RNF135: variants seen among roughly 807,000 people sequenced by gnomAD.
The protein encoded by RNF135 is E3 ubiquitin-protein ligase RNF135.
Under a neutral mutation model 41.9 loss-of-function variants are expected in RNF135, and 46 were observed. That is an observed-to-expected ratio of 1.10 (90% CI 0.87 to 1.40). The LOEUF (loss-of-function observed/expected upper bound fraction) is 1.40. Among genes scored for constraint, RNF135 ranks in the 40% most tolerant of loss-of-function variants. RNF135 has a pLI of 0.00. For synonymous variants in RNF135, 238 were observed against 223.8 expected, an observed-to-expected ratio of 1.06 and a Z score of -0.57; for missense variants, 539 against 549.8, an observed-to-expected ratio of 0.98 and a Z score of 0.20.
At chr17:30,983,337 A>T (rs1567743133) in intron 1 of RNF135, among the ~76,000 whole-genome samples, 5 of 25,692 alleles carry the variant, frequency 1.9e-4, no homozygotes, top group Admixed American at 4.1e-4. Context: ...ATATATATAT[A>T]TATATATATA....
At chr17:30,987,141 G>T (rs945805113) in intron 2 of RNF135, among the ~76,000 whole-genome samples, 2 of 152,106 alleles carry the variant, frequency 1.3e-5, no homozygotes, top group Non-Finnish European at 2.9e-5. Flanking sequence ...ATGTGTTGAA[G>T]GCCCTAGAAA....
chr17:30,963,728 T>C, the RNF135 span, among the ~76,000 whole-genome samples: 1 of 152,232 alleles, frequency 6.6e-6, no homozygotes, highest in Admixed American at 6.5e-5. Flanking sequence ...AAGGCTTCTT[T>C]AATCAAGGTA....
chr17:30,984,820 A>G (rs974777631), intron 2 of RNF135, 60 bp downstream of exon 2: 94 of 1,550,022 alleles, frequency 6.1e-5, no homozygotes, highest in Admixed American at 4.0e-4. Context: ...ATTGCTTTCA[A>G]CTGGAACAAC....
intron 1 of RNF135, among the ~76,000 whole-genome samples, chr17:30,983,334 TATATATATATATATA>T (rs1907311253): frequency 2.0e-4 from 6 of 29,430 alleles, no homozygotes; most frequent in African/African-American, 2.7e-4. Flanking sequence ...TATATATATA[TATATATATATATATA>T]TATATTTTTT....
At chr17:30,975,745 G>A (rs1906389314) in intron 1 of RNF135, 3 of 1,265,236 alleles carry the variant, frequency 2.4e-6, no homozygotes, top group South Asian at 1.2e-5. Flanking sequence ...TTGGCCTGGT[G>A]TACATGGGTC....
chr17:30,989,923 C>T (rs1408910723), intron 3 of RNF135, among the ~76,000 whole-genome samples: 1 of 145,392 alleles, frequency 6.9e-6, no homozygotes, highest in Non-Finnish European at 1.5e-5. Flanking sequence ...TCACTTGAAC[C>T]TGGGAAGCAG....
At chr17:30,968,245 G>A (rs1287811724), upstream of RNF135, among the ~76,000 whole-genome samples, 2 of 148,484 alleles carry the variant, frequency 1.3e-5, no homozygotes, top group African/African-American at 5.0e-5. Flanking sequence ...ACGAGATTGT[G>A]CCACTCCACT....
chr17:30,974,363 T>C lies in RNF135; in HGVS notation c.372+2918T>C, dbSNP rs189626925. Among the ~76,000 whole-genome samples, 173 of 152,300 alleles carry C rather than the reference T, an allele frequency of 1.1e-3. 2 individuals are homozygous for C. The Middle Eastern group carries it at 0.024, about 21-fold the overall frequency. ...CTTTGACTTTGTTTTTTGTTTTTTT[T>C]CCCCAAGATTGTTTTTGTTATTCAG... On this transcript the variant is annotated intron_variant, in intron 1 of 4. Transcript: ENST00000328381.
chr17:30,960,262 C>T, the RNF135 span, among the ~76,000 whole-genome samples: 1 of 151,926 alleles, frequency 6.6e-6, no homozygotes, highest in East Asian at 1.9e-4. Flanking sequence ...TGTGGTGGCA[C>T]GTGCCTGTAG....
the RNF135 span, chr17:30,959,639 T>C: frequency 1.3e-5 from 2 of 152,072 alleles, no homozygotes; most frequent in Non-Finnish European, 2.9e-5. Flanking sequence ...CCAGGAGTTC[T>C]GGGCTTTAGT....
chr17:30,967,448 A>T (rs534946327), upstream of RNF135, among the ~76,000 whole-genome samples: 1 of 152,326 alleles, frequency 6.6e-6, no homozygotes, highest in Non-Finnish European at 1.5e-5. Flanking sequence ...ATTGCAGCAT[A>T]CTTTTCTTTT....
upstream of RNF135, among the ~76,000 whole-genome samples, chr17:30,969,900 G>C (rs1221811131): frequency 6.6e-6 from 1 of 151,900 alleles, no homozygotes; most frequent in African/African-American, 2.4e-5. Flanking sequence ...AAGTAGCTGG[G>C]ATTACAGGCA....
intron 1 of RNF135, among the ~76,000 whole-genome samples, 187 bp from the exon 2 acceptor site, chr17:30,984,430 T>C (rs1349559100): frequency 6.6e-6 from 1 of 152,240 alleles, no homozygotes; most frequent in East Asian, 1.9e-4. Context: ...TGAATGGTCT[T>C]GGCACCTTCG....
intron 2 of RNF135, among the ~76,000 whole-genome samples, chr17:30,986,479 G>A (rs570480321): frequency 2.2e-4 from 34 of 152,298 alleles, no homozygotes; most frequent in African/African-American, 6.3e-4. Context: ...ACAGGCGTGC[G>A]CCACATTGCC....
intron 1 of RNF135, among the ~76,000 whole-genome samples, chr17:30,974,398 C>T (rs1906254597): frequency 6.6e-6 from 1 of 152,046 alleles, no homozygotes; most frequent in Non-Finnish European, 1.5e-5. Context: ...GAACCCCTCG[C>T]AATTCCATCT....
intron 3 of RNF135, among the ~76,000 whole-genome samples, chr17:30,996,120 T>G (rs1375575028): frequency 2.8e-5 from 4 of 140,616 alleles, no homozygotes; most frequent in African/African-American, 1.1e-4. Flanking sequence ...AGATGGAGTC[T>G]CACTCTGTTT....
the RNF135 span, among the ~76,000 whole-genome samples, chr17:30,964,451 A>G: frequency 6.6e-6 from 1 of 151,022 alleles, no homozygotes. Flanking sequence ...CTGATAGGAC[A>G]TGTTAGGCCG....
At chr17:30,968,059 C>G (rs577181536), upstream of RNF135, among the ~76,000 whole-genome samples, 1,530 of 151,972 alleles carry the variant, frequency 0.01, 16 homozygotes, top group Non-Finnish European at 0.014. Context: ...CACCTGAGGT[C>G]AGGAGTTCGA....
intron 1 of RNF135, among the ~76,000 whole-genome samples, chr17:30,979,772 C>T (rs1199078732): frequency 4.6e-5 from 6 of 130,216 alleles, no homozygotes; most frequent in Non-Finnish European, 1.0e-4. Context: ...TGACCCCCCT[C>T]CCCCCTCCCG....
Sources: gnomAD v4.1 joint callset for allele counts (sites outside exome capture counted in the v4.1 genomes callset) on GRCh38, gnomAD v4.1.1 for gene constraint, MANE v1.5 for transcripts, NCBI Gene and HGNC (gene_info 2026-07-23, HGNC 2026-07-21) for gene names.